The following FAM184B variants were observed in gnomAD, a reference collection of about 807,000 sequenced individuals.
FAM184B encodes the protein protein FAM184B.
Under a neutral mutation model 135.9 loss-of-function variants are expected in FAM184B, and 111 were observed. The observed-to-expected ratio is 0.82, with a 90% CI of 0.70 to 0.96. FAM184B has a LOEUF of 0.96. FAM184B is among the 40% of genes least tolerant of loss of function. The pLI, the probability that FAM184B is intolerant of heterozygous loss-of-function variation, is 0.00. For missense variants in FAM184B, 1,375 were observed against 1,323.9 expected (o/e 1.04, Z -0.60); for synonymous variants, 552 against 524.8 (o/e 1.05, Z -0.71).
intron 1 of FAM184B, among the ~76,000 whole-genome samples, chr4:17,728,968 C>T (rs377407726): frequency 2.4e-4 from 36 of 152,250 alleles, no homozygotes; most frequent in Non-Finnish European, 3.4e-4. Context: ...ACTCGGGAAG[C>T]GCAAGGGGTC....
chr4:17,761,714 T>C (rs990643760), intron 1 of FAM184B, among the ~76,000 whole-genome samples: 30 of 152,140 alleles, frequency 2.0e-4, no homozygotes, highest in African/African-American at 7.0e-4. Flanking sequence ...AGAGAAGGGG[T>C]TTTGCCATGT....
intron 7 of FAM184B, among the ~76,000 whole-genome samples, chr4:17,672,872 ATTAGGGTGATACTGCC>A (rs1716210319): frequency 6.6e-6 from 1 of 152,070 alleles, no homozygotes; most frequent in South Asian, 2.1e-4. Flanking sequence ...TGGTTTTGGC[ATTAGGGTGATACTGCC>A]TTCATAGAAT....
intron 7 of FAM184B, among the ~76,000 whole-genome samples, chr4:17,679,942 G>C (rs1299885350): frequency 3.3e-5 from 5 of 152,130 alleles, no homozygotes; most frequent in Non-Finnish European, 7.4e-5. Flanking sequence ...ACCAAACATG[G>C]TATGTTCCCA....
chr4:17,776,396 A>AT (rs759231139), intron 1 of FAM184B, among the ~76,000 whole-genome samples: 1 of 151,784 alleles, frequency 6.6e-6, no homozygotes, highest in Middle Eastern at 3.4e-3. Context: ...TTAATTAACA[A>AT]TTTTTTTTTG....
intron 7 of FAM184B, among the ~76,000 whole-genome samples, chr4:17,686,103 T>C (rs749391442): frequency 6.6e-6 from 1 of 152,152 alleles, no homozygotes; most frequent in Non-Finnish European, 1.5e-5. Context: ...AGCTAAGAAA[T>C]ACTTGAGTAT....
chr4:17,717,845 G>A (rs540717587), intron 1 of FAM184B, among the ~76,000 whole-genome samples: 1 of 152,230 alleles, frequency 6.6e-6, no homozygotes, highest in African/African-American at 2.4e-5. Context: ...GACATTCACT[G>A]GGCCAGATAA....
At chr4:17,714,707 G>A (rs1717368620) in intron 1 of FAM184B, among the ~76,000 whole-genome samples, 3 of 152,086 alleles carry the variant, frequency 2.0e-5, no homozygotes, top group East Asian at 3.8e-4. Flanking sequence ...AAAAGGAAAC[G>A]TGCATGGGAT....
At chr4:17,731,439 C>G (rs1270440001) in intron 1 of FAM184B, among the ~76,000 whole-genome samples, 1 of 152,098 alleles carries the variant, frequency 6.6e-6, no homozygotes, top group African/African-American at 2.4e-5. Context: ...ACCCATCTCA[C>G]GTGCAGAGAC....
At chr4:17,717,187 G>A (rs1041160544) in intron 1 of FAM184B, among the ~76,000 whole-genome samples, 1 of 152,276 alleles carries the variant, frequency 6.6e-6, no homozygotes, top group African/African-American at 2.4e-5. Context: ...AAAATAGAGA[G>A]AATCCAGGCC....
intron 1 of FAM184B, among the ~76,000 whole-genome samples, chr4:17,714,994 CT>C (rs890046348): frequency 3.3e-5 from 5 of 152,140 alleles, no homozygotes; most frequent in Non-Finnish European, 7.3e-5. Context: ...TTCCCCTCAC[CT>C]CCCTGCACAG....
chr4:17,781,388 G>A lies in FAM184B; in HGVS notation c.-89C>T. ...TGCGCGCGCGGGCGTGCGAGCGTGT[G>A]GGTTTCTCGGGAGAGGTGGCACTGC... On this transcript the variant is annotated 5_prime_UTR_variant, in exon 1 of 18. Coordinates refer to ENST00000265018, the MANE Select transcript of FAM184B (RefSeq NM_015688.2). The surrounding 1 kb of genome is among the most constrained non-coding windows in gnomAD (Gnocchi z 6.5). 7.2e-7 allele frequency: 1 copy of A among 1,386,668 alleles called. No homozygotes were observed. Among genetic ancestry groups the A allele is most frequent in the Non-Finnish European group, 9.4e-7 (1 of 1,064,702 alleles). 85.9% of individuals were successfully genotyped at this position (1,386,668 alleles called of 1,614,324 possible).
chr4:17,735,496 C>T (rs1436944598), intron 1 of FAM184B, among the ~76,000 whole-genome samples: 1 of 152,130 alleles, frequency 6.6e-6, no homozygotes, highest in African/African-American at 2.4e-5. Flanking sequence ...TATGAACCTA[C>T]ATGTAGCTTT....
At chr4:17,691,245 C>T (rs866851053) in intron 6 of FAM184B, among the ~76,000 whole-genome samples, 2 of 152,146 alleles carry the variant, frequency 1.3e-5, no homozygotes, top group African/African-American at 2.4e-5. Context: ...CTTCTCTGTG[C>T]CTCAGTTGTG....
At chr4:17,636,963 C>G (rs1024545995) in intron 14 of FAM184B, among the ~76,000 whole-genome samples, 2 of 152,188 alleles carry the variant, frequency 1.3e-5, no homozygotes, top group Non-Finnish European at 2.9e-5. Flanking sequence ...CCCGTAGGTT[C>G]TCTTAATGCT....
chr4:17,639,417 G>A lies in FAM184B; in HGVS notation c.2520-21C>T, dbSNP rs183021758. The A allele has an allele frequency of 1.2e-5, 18 of 1,550,560 alleles. No individual in the cohort carries two copies. The Admixed American group carries it at 3.5e-4, about 30-fold the overall frequency. Reference sequence around the variant, plus strand: ...GGAACCTGTGGTGGATGAAAGCACAGCCAGGCTTGCCCAGCTCCAGGGATG... The same window carrying A: ...GGAACCTGTGGTGGATGAAAGCACAACCAGGCTTGCCCAGCTCCAGGGATG... On this transcript the variant is annotated intron_variant, in intron 13 of 17. Transcript: ENST00000265018.
intron 11 of FAM184B, among the ~76,000 whole-genome samples, chr4:17,651,260 G>A (rs769027099): frequency 1.6e-4 from 24 of 152,204 alleles, no homozygotes; most frequent in Admixed American, 1.2e-3. Flanking sequence ...AGTCATGGCC[G>A]GGCGCAGTGG....
Position 17,636,568 on chromosome 4 carries a change from G to T in FAM184B, c.2744C>A (p.Thr915Asn), listed in dbSNP as rs375831461. The change falls in exon 15 of 18, where the codon ACC (threonine) becomes AAC (asparagine). Residue 915 changes from threonine to asparagine, a missense_variant. Thr to Asn is a moderately conservative substitution (Grantham distance 65). Coordinates refer to ENST00000265018, the MANE Select transcript of FAM184B (RefSeq NM_015688.2). Reference sequence around the variant, plus strand: ...GATGTCCTCTCTCTCCTTCAGGCGGGTCTGCAGGCGGCCAATGAGCTGAAG... The same window carrying T: ...GATGTCCTCTCTCTCCTTCAGGCGGTTCTGCAGGCGGCCAATGAGCTGAAG... ...EDLQLIGRLQ[T>N]RLKEREDIIK... 1.9e-6 allele frequency: 3 copies of T among 1,551,060 alleles called. No individual in the cohort carries two copies. The highest frequency in any genetic ancestry group is 2.7e-5 in the African/African-American group (2 of 73,034).
chr4:17,719,058 G>T (rs574429716), intron 1 of FAM184B, among the ~76,000 whole-genome samples: 1 of 152,080 alleles, frequency 6.6e-6, no homozygotes, highest in Non-Finnish European at 1.5e-5. Context: ...TTTCCTATAC[G>T]TATGTACATA....
At chr4:17,662,163 G>T (rs1715934293) in intron 8 of FAM184B, among the ~76,000 whole-genome samples, 1 of 152,086 alleles carries the variant, frequency 6.6e-6, no homozygotes, top group Non-Finnish European at 1.5e-5. Context: ...CCATGTTGTT[G>T]TGTATGTCAG....
Sources: gnomAD v4.1 joint callset for allele counts (sites outside exome capture counted in the v4.1 genomes callset) on GRCh38, gnomAD v4.1.1 for gene constraint, Gnocchi (gnomAD v3.1) non-coding constraint, MANE v1.5 for transcripts, NCBI Gene and HGNC (gene_info 2026-07-23, HGNC 2026-07-21) for gene names.